Variants in BCL6 observed in about 807,000 individuals in gnomAD.
BCL6 encodes the protein BCL6 transcription repressor.
In BCL6, 7 loss-of-function variants were observed where a neutral mutation model predicts 59.5. The observed-to-expected ratio is 0.12, with a 90% CI of 0.07 to 0.22. The LOEUF (loss-of-function observed/expected upper bound fraction) is 0.22, where lower values mean the gene tolerates loss of function less well. BCL6 is among the 10% of genes least tolerant of loss of function. BCL6 has a pLI of 1.00. For synonymous variants in BCL6, 339 were observed against 349.7 expected, an observed-to-expected ratio of 0.97 and a Z score of 0.34; for missense variants, 685 against 939.4, an observed-to-expected ratio of 0.73 and a Z score of 3.54.
intron 2 of BCL6, chr3:187,734,432 T>C (rs1719191905): frequency 6.6e-6 from 1 of 152,596 alleles, no homozygotes; most frequent in African/African-American, 2.4e-5. Flanking sequence ...GGGGCTTTGG[T>C]TTCCCCAAAT....
At chr3:187,730,276 T>A (rs1231737823) in intron 4 of BCL6, among the ~76,000 whole-genome samples, 5 of 152,248 alleles carry the variant, frequency 3.3e-5, no homozygotes. Flanking sequence ...AGACATAATC[T>A]TGTATGTTTA....
chr3:187,739,254 A>C (rs1711512946), intron 1 of BCL6, among the ~76,000 whole-genome samples: 1 of 152,240 alleles, frequency 6.6e-6, no homozygotes, highest in African/African-American at 2.4e-5. Flanking sequence ...AATTTTAATA[A>C]GGCTGCAACT....
intron 1 of BCL6, among the ~76,000 whole-genome samples, chr3:187,739,238 A>G (rs75777727): frequency 0.044 from 6,735 of 152,300 alleles, 234 homozygotes; most frequent in Admixed American, 0.13. Flanking sequence ...AGGGACAAGG[A>G]CAAGGAATTT....
chr3:187,737,730 G>A (rs1719356490), intron 1 of BCL6: 2 of 147,700 alleles, frequency 1.4e-5, no homozygotes, highest in Admixed American at 1.3e-4. Flanking sequence ...GTGCACCTCG[G>A]TAGCTAACAT....
intron 1 of BCL6, among the ~76,000 whole-genome samples, chr3:187,737,432 A>T (rs1719344164): frequency 6.6e-6 from 1 of 151,696 alleles, no homozygotes; most frequent in Non-Finnish European, 1.5e-5. Flanking sequence ...GTTAAGAGCC[A>T]GAGAGCAAGC....
intron 1 of BCL6, among the ~76,000 whole-genome samples, chr3:187,744,751 G>T (rs1157394646): frequency 6.6e-6 from 1 of 152,210 alleles, no homozygotes; most frequent in African/African-American, 2.4e-5. Context: ...GACAGGGGAA[G>T]GGAAGGAAGA....
intron 9 of BCL6, 51 bp downstream of exon 9, chr3:187,724,890 T>G (rs1718596267): frequency 6.2e-7 from 1 of 1,610,608 alleles, no homozygotes; most frequent in Non-Finnish European, 8.5e-7. Flanking sequence ...CCTCCTTCCC[T>G]GCCCTCCACA....
intron 1 of BCL6, among the ~76,000 whole-genome samples, chr3:187,741,758 ACCT>A (rs973138613): frequency 1.3e-5 from 2 of 151,778 alleles, no homozygotes; most frequent in African/African-American, 4.8e-5. Flanking sequence ...CCATCCACAA[ACCT>A]CCTCAACACA....
chr3:187,727,017 C>G (rs1718740113), intron 6 of BCL6, 119 bp from the exon 7 acceptor site: 3 of 1,143,854 alleles, frequency 2.6e-6, no homozygotes, highest in East Asian at 4.8e-5. Flanking sequence ...CCCTCACTCA[C>G]CCACCCGACA....
intron 1 of BCL6, among the ~76,000 whole-genome samples, chr3:187,744,080 T>G (rs142498207): frequency 1.3e-5 from 2 of 152,184 alleles, no homozygotes; most frequent in South Asian, 2.1e-4. Flanking sequence ...TGGCGTCCAC[T>G]ACGCTCAGGC....
At chr3:187,739,357 G>A (rs1304619923) in intron 1 of BCL6, among the ~76,000 whole-genome samples, 3 of 152,222 alleles carry the variant, frequency 2.0e-5, no homozygotes, top group Non-Finnish European at 4.4e-5. Context: ...AGACACCACC[G>A]TGGTCCGGCG....
At chr3:187,731,633 T>C in intron 4 of BCL6, 76 bp downstream of exon 4, 2 of 1,414,508 alleles carry the variant, frequency 1.4e-6, no homozygotes, top group Non-Finnish European at 2.0e-6. Flanking sequence ...TTTTTCTGTA[T>C]GCATGAATTA....
At chr3:187,745,275 T>TGGCAAGAGCGG in intron 1 of BCL6, 135 bp downstream of exon 1, 1 of 398,376 alleles carries the variant, frequency 2.5e-6, no homozygotes, top group Non-Finnish European at 4.4e-6. Flanking sequence ...CCAAAGCATT[T>TGGCAAGAGCGG]GGCAAGAGCG....
At chr3:187,739,474 A>G (rs557707058) in intron 1 of BCL6, among the ~76,000 whole-genome samples, 1 of 152,334 alleles carries the variant, frequency 6.6e-6, no homozygotes, top group African/African-American at 2.4e-5. Context: ...AGTAAATAAA[A>G]GCGAATTTGA....
chr3:187,730,017 C>T lies in BCL6; in HGVS notation c.388G>A (p.Ala130Thr), dbSNP rs748058804. The T allele has an allele frequency of 2.6e-6, 4 of 1,545,832 alleles. No individual in the cohort carries two copies. In the South Asian group the frequency reaches 5.0e-5, roughly 19 times the overall value. ...GGCTTGATGGCAGAAACCATCTCTGCTTCACTGTGAAAGAAAAAAAGAGGA... is the reference window on the plus strand; with the variant it reads ...GGCTTGATGGCAGAAACCATCTCTGTTTCACTGTGAAAGAAAAAAAGAGGA... Reference protein sequence around the residue: ...TCRKFIKASEAEMVSAIKPPR... With the variant: ...TCRKFIKASETEMVSAIKPPR... Residue 130 changes from alanine (A) to threonine (T), a missense_variant, in exon 5 of 10, where the codon GCA becomes ACA. Ala to Thr is a moderately conservative substitution (Grantham distance 58, BLOSUM62 0). Around this residue, in one of 7 missense-constraint regions of BCL6, gnomAD observed 102 missense variants for 176.6 expected, o/e 0.58. Transcript: ENST00000406870.
At chr3:187,745,316 G>C in intron 1 of BCL6, 94 bp downstream of exon 1, 1 of 400,524 alleles carries the variant, frequency 2.5e-6, no homozygotes, top group Non-Finnish European at 4.4e-6. Context: ...GTAAAATAAT[G>C]ATCATGAGCA....
chr3:187,735,629 T>C (rs115556778), intron 1 of BCL6, among the ~76,000 whole-genome samples: 2 of 152,332 alleles, frequency 1.3e-5, no homozygotes, highest in Non-Finnish European at 2.9e-5. Flanking sequence ...AGTTTGTGCT[T>C]CTCCCTGCTG....
chr3:187,725,073 G>A lies in BCL6; in HGVS notation c.1845C>T (p.Ala615=). The change falls in exon 9 of 10, where the codon GCC becomes GCT. Residue 615 remains alanine, a synonymous_variant. Transcript: ENST00000406870. This position sits in a 1 kb window ranked among gnomAD's most constrained non-coding sequence, Gnocchi z 4.7. ...GGATAAGCACATGGGCACGGAGGTG[G>A]GCCACCTGAACGAAGAAGAAGGCAT... is the stretch of plus-strand genomic sequence containing the variant. ...ETCGARFVQV[A]HLRAHVLIHT... The A allele has an allele frequency of 6.2e-7, 1 of 1,614,076 alleles. No individual in the cohort carries two copies. The highest frequency in any genetic ancestry group is 8.5e-7 in the Non-Finnish European group (1 of 1,180,016).
Position 187,728,415 on chromosome 3 carries a change from G to C in BCL6, c.1485C>G (p.Pro495=). ...TCTCTCCCATCTCCTCAGGGAACGT[G>C]GGGCCAGCGGTGTGGAGGCACATCT... ...HAEMCLHTAG[P]TFPEEMGETQ... is the part of the protein sequence containing the mutation. The change falls in exon 6 of 10, where the codon CCC becomes CCG. Residue 495 remains proline (P), a synonymous_variant. Transcript: ENST00000406870. 3 of 1,611,500 alleles carry C rather than the reference G, an allele frequency of 1.9e-6. No homozygotes were observed. The highest frequency in any genetic ancestry group is 1.7e-6 in the Non-Finnish European group (2 of 1,179,014).
Sources: allele counts gnomAD v4.1 joint callset (sites outside exome capture counted in the v4.1 genomes callset), GRCh38; gene constraint gnomAD v4.1.1; regional missense constraint gnomAD v4.1.1; non-coding constraint Gnocchi (gnomAD v3.1); transcripts MANE v1.5; gene names NCBI Gene and HGNC (gene_info 2026-07-23, HGNC 2026-07-21).